The following FNIP2 variants were observed in gnomAD, a reference collection of about 807,000 sequenced individuals.
FNIP2 encodes folliculin-interacting protein 2.
A neutral mutation model predicts 108.7 loss-of-function variants in FNIP2; 32 were observed. The observed-to-expected ratio is 0.29, with a 90% CI of 0.22 to 0.40. The LOEUF is 0.40. Among genes scored for constraint, FNIP2 ranks in the 10% least tolerant of loss-of-function variants. The pLI is 1.00. For missense variants in FNIP2, 1,202 were observed against 1,381.6 expected, an observed-to-expected ratio of 0.87 and a Z score of 2.06; for synonymous variants, 480 against 496.7, an observed-to-expected ratio of 0.97 and a Z score of 0.45.
At chr4:158,883,204 A>G (rs905474470) in intron 14 of FNIP2, among the ~76,000 whole-genome samples, 2 of 151,782 alleles carry the variant, frequency 1.3e-5, no homozygotes, top group African/African-American at 4.8e-5. Context: ...TACCTGAATC[A>G]TAAGTTGCCT....
At chr4:158,839,295 A>G (rs1778984903) in intron 7 of FNIP2, among the ~76,000 whole-genome samples, 1 of 152,170 alleles carries the variant, frequency 6.6e-6, no homozygotes, top group African/African-American at 2.4e-5. Flanking sequence ...TCATTATTCT[A>G]CTATGGACTC....
intron 14 of FNIP2, among the ~76,000 whole-genome samples, chr4:158,889,066 G>A (rs765962036): frequency 3.4e-4 from 52 of 151,914 alleles, no homozygotes; most frequent in Non-Finnish European, 7.1e-4. Flanking sequence ...GGTGGCACAT[G>A]TCTGTAGTCC....
rs949085088 is a variant in FNIP2, at chr4:158,871,819, A to G, written c.2949+1350A>G. Reference sequence around the variant, plus strand: ...TAGTCATTTATCATTTCATGAGTCCATGCATCAATGACCCCTGTAAGAAAA... The same window carrying G: ...TAGTCATTTATCATTTCATGAGTCCGTGCATCAATGACCCCTGTAAGAAAA... On this transcript the variant is annotated intron_variant, in intron 14 of 16. Coordinates refer to ENST00000264433, the MANE Select transcript of FNIP2 (RefSeq NM_020840.3). 26 of 985,242 alleles carry G rather than the reference A, an allele frequency of 2.6e-5. No homozygotes were observed. The African/African-American group carries it at 4.4e-4, about 17-fold the overall frequency. 61.0% of individuals were successfully genotyped at this position (985,242 alleles called of 1,614,324 possible).
rs1382634670 is a variant in FNIP2 at position 158,870,427 on chromosome 4, G to A, written c.2907G>A (p.Lys969=). 1.2e-6 allele frequency: 2 copies of A among 1,613,998 alleles called. No individual in the cohort carries two copies. The highest frequency in any genetic ancestry group is 1.7e-5 in the Admixed American group (1 of 60,022). ...TTCATGGGACCGGCAGTGATGAGAA[G>A]CTGAAGCAGTGCCTGGTGGCCGACC... is the stretch of plus-strand genomic sequence containing the variant. The part of the protein sequence containing the change: ...LVLHGTGSDE[K]LKQCLVADLV... The change falls in exon 14 of 17, where the codon AAG becomes AAA. Residue 969 remains lysine, a synonymous_variant. Transcript: ENST00000264433.
In FNIP2 at chr4:158,904,544, A is replaced by G; in HGVS notation, c.3345A>G (p.Ter1115=). 2.5e-6 allele frequency: 4 copies of G among 1,612,172 alleles called. No homozygotes were observed. The highest frequency in any genetic ancestry group is 3.4e-6 in the Non-Finnish European group (4 of 1,179,218). The change falls in exon 17 of 17, where the codon TAA becomes TAG. Residue 1115 remains the stop codon, a stop_retained_variant. Transcript: ENST00000264433. ...HSPYVAQILL[*] ...CTTATGTGGCTCAAATACTCTTATAAGCTAAAGCTCAGGACAGTTCTTCCT... is the reference window on the plus strand; with the variant it reads ...CTTATGTGGCTCAAATACTCTTATAGGCTAAAGCTCAGGACAGTTCTTCCT...
At chr4:158,838,270 G>A (rs1376702164) in intron 7 of FNIP2, among the ~76,000 whole-genome samples, 1 of 146,608 alleles carries the variant, frequency 6.8e-6, no homozygotes, top group Middle Eastern at 3.3e-3. Context: ...GCCCAGGCTG[G>A]TGTGCAATGG....
Position 158,868,328 on chromosome 4 carries a change from G to A in FNIP2, c.1692G>A (p.Glu564=). 6.2e-7 allele frequency: 1 copy of A among 1,614,062 alleles called. No individual in the cohort carries two copies. Among genetic ancestry groups the A allele is most frequent in the East Asian group, 2.2e-5 (1 of 44,888 alleles). ...ITALEKGEVE[E]SEYVVITVRN... ...CCTTGGAGAAAGGAGAGGTGGAGGA[G>A]TCTGAGTATGTGGTCATTACGGTGA... The change falls in exon 13 of 17, where the codon GAG becomes GAA. Residue 564 remains glutamate, a synonymous_variant. Transcript: ENST00000264433. This position sits in a 1 kb window ranked among gnomAD's most constrained non-coding sequence, Gnocchi z 4.6.
chr4:158,787,120 G>T (rs1776249759), intron 1 of FNIP2, among the ~76,000 whole-genome samples: 1 of 152,170 alleles, frequency 6.6e-6, no homozygotes, highest in Non-Finnish European at 1.5e-5. Context: ...AGAAAGTTCA[G>T]AGTATTTTCA....
intron 1 of FNIP2, among the ~76,000 whole-genome samples, chr4:158,792,750 T>G (rs2126456390): frequency 6.6e-6 from 1 of 152,306 alleles, no homozygotes; most frequent in South Asian, 2.1e-4. Flanking sequence ...AGAACATAAC[T>G]GCTTCACAGA....
At chr4:158,821,331 G>C (rs866809348) in intron 1 of FNIP2, among the ~76,000 whole-genome samples, 1 of 152,220 alleles carries the variant, frequency 6.6e-6, no homozygotes, top group African/African-American at 2.4e-5. Context: ...AAATAATTCA[G>C]ATTAGAATAC....
chr4:158,832,183 T>C, intron 5 of FNIP2, 45 bp downstream of exon 5: 1 of 1,483,874 alleles, frequency 6.7e-7, no homozygotes, highest in South Asian at 1.2e-5. Flanking sequence ...TTTTAAAGTG[T>C]GTATTTCTAG....
At chr4:158,833,217 CT>C (rs1279006473) in intron 5 of FNIP2, among the ~76,000 whole-genome samples, 1 of 152,086 alleles carries the variant, frequency 6.6e-6, no homozygotes, top group Non-Finnish European at 1.5e-5. Flanking sequence ...ATAACAGTAT[CT>C]CGGGTGTCAG....
Position 158,851,422 on chromosome 4 carries a change from A to C in FNIP2, c.829A>C (p.Ser277Arg). Residue 277 changes from serine to arginine, a missense_variant, in exon 8 of 17, where the codon AGT becomes CGT. Physicochemically the swap from Ser to Arg is moderately radical, Grantham distance 110. Coordinates refer to ENST00000264433, the MANE Select transcript of FNIP2 (RefSeq NM_020840.3). ...CCGCTGGCTTCGAAGTCAGACAACA[A>C]GTTTGGAAAATGGCATCATCCCAAG... ...QRRWLRSQTT[S>R]LENGIIPRRS... 1 of 1,613,910 alleles carries C rather than the reference A, an allele frequency of 6.2e-7. No homozygotes were observed. The highest frequency in any genetic ancestry group is 8.5e-7 in the Non-Finnish European group (1 of 1,179,850).
Position 158,895,769 on chromosome 4 carries a change from A to G in FNIP2, c.3170A>G (p.Asp1057Gly), listed in dbSNP as rs1357316518. Residue 1057 changes from aspartate to glycine, a missense_variant, in exon 16 of 17, where the codon GAT (aspartate) becomes GGT (glycine). This residue lies in a region of FNIP2 where 142 missense variants were observed against 183.8 expected (regional missense o/e 0.77). Coordinates refer to ENST00000264433, the MANE Select transcript of FNIP2 (RefSeq NM_020840.3). ...TTGCAGTGCATCATGCATCTTGAAG[A>G]TAGACTACAGGAGATGTACCTTAAA... ...PADFCIMHLEDRLQEMYLKSK... is the reference protein window; with the variant it reads ...PADFCIMHLEGRLQEMYLKSK... The G allele has an allele frequency of 6.2e-7, 1 of 1,611,798 alleles. No homozygotes were observed. The highest frequency in any genetic ancestry group is 1.7e-5 in the Admixed American group (1 of 59,830).
chr4:158,840,103 G>T (rs1053455208), intron 7 of FNIP2, among the ~76,000 whole-genome samples: 2 of 152,156 alleles, frequency 1.3e-5, no homozygotes, highest in Admixed American at 6.5e-5. Context: ...CATCAGCAAA[G>T]TTCAGTGATT....
chr4:158,821,262 A>G (rs974508680), intron 1 of FNIP2, among the ~76,000 whole-genome samples: 1 of 152,258 alleles, frequency 6.6e-6, no homozygotes, highest in Non-Finnish European at 1.5e-5. Context: ...AGTGGACATA[A>G]ATAATACCCT....
chr4:158,890,238 T>C, intron 14 of FNIP2: 2 of 984,858 alleles, frequency 2.0e-6, no homozygotes, highest in East Asian at 2.3e-4. Flanking sequence ...AAAATATAAA[T>C]CCTGATAATA....
chr4:158,883,488 A>G (rs1277138608), intron 14 of FNIP2, among the ~76,000 whole-genome samples: 6 of 152,128 alleles, frequency 3.9e-5, no homozygotes, highest in East Asian at 3.9e-4. Context: ...TGATCCGCCC[A>G]CCTCAGCCTC....
intron 16 of FNIP2, among the ~76,000 whole-genome samples, chr4:158,896,157 C>T (rs374359754): frequency 5.3e-5 from 8 of 152,284 alleles, no homozygotes; most frequent in South Asian, 2.1e-4. Flanking sequence ...CCACACTGCC[C>T]GTTTCTAGTA....
Sources: allele counts gnomAD v4.1 joint callset (sites outside exome capture counted in the v4.1 genomes callset), GRCh38; gene constraint gnomAD v4.1.1; regional missense constraint gnomAD v4.1.1; non-coding constraint Gnocchi (gnomAD v3.1); transcripts MANE v1.5; gene names NCBI Gene and HGNC (gene_info 2026-07-23, HGNC 2026-07-21).